TM9SF3: variants seen among roughly 807,000 people sequenced by gnomAD.
TM9SF3 encodes the protein transmembrane 9 superfamily member 3, also known as SM-11044-binding protein.
TM9SF3 carries 14 observed loss-of-function variants against 78.6 expected under a neutral mutation model. That is an observed-to-expected ratio of 0.18 (90% confidence interval 0.12 to 0.28). The LOEUF (loss-of-function observed/expected upper bound fraction) is 0.28. Ranked by LOEUF, TM9SF3 falls within the 10% of genes least tolerant of loss-of-function variation. The pLI, the probability that TM9SF3 is intolerant of heterozygous loss-of-function variation, is 1.00. For missense variants in TM9SF3, 496 were observed against 721.9 expected, an observed-to-expected ratio of 0.69 and a Z score of 3.59; for synonymous variants, 231 against 241.7, an observed-to-expected ratio of 0.96 and a Z score of 0.41.
intron 1 of TM9SF3, among the ~76,000 whole-genome samples, chr10:96,580,929 A>G (rs1848561325): frequency 6.6e-6 from 1 of 152,238 alleles, no homozygotes; most frequent in Non-Finnish European, 1.5e-5. Context: ...AATCAGCATC[A>G]AGTTTAAAAG....
chr10:96,522,426 C>A lies in TM9SF3; in HGVS notation c.1703-96G>T, dbSNP rs185815908. ...ATACTCTATGCTCTGGAAAGTTATT[C>A]TTTTTTAAAGAAAATATCCTTATGT... is the stretch of plus-strand genomic sequence containing the variant. On this transcript the variant is annotated intron_variant, in intron 14 of 14. Transcript: ENST00000371142. 5.1e-6 allele frequency: 5 copies of A among 989,984 alleles called. No individual in the cohort carries two copies. In the South Asian group the frequency reaches 5.5e-5, roughly 11 times the overall value. The allele number at this position is 989,984 out of a possible 1,614,324, so 61.3% of individuals were successfully genotyped here. A position where few individuals can be genotyped will look rare whatever the true frequency, so the allele number is the denominator to read the frequency against.
chr10:96,559,772 G>T, intron 4 of TM9SF3, 36 bp from the exon 5 acceptor site: 1 of 1,285,704 alleles, frequency 7.8e-7, no homozygotes. Context: ...ATAAAGGCCA[G>T]TAAACAAATT....
chr10:96,572,499 C>T (rs1484992343), intron 2 of TM9SF3, among the ~76,000 whole-genome samples: 4 of 151,270 alleles, frequency 2.6e-5, no homozygotes, highest in Admixed American at 6.6e-5. Flanking sequence ...TAATCTAAGT[C>T]AGCCCTTCTA....
At chr10:96,566,856 C>G (rs1368817191) in intron 2 of TM9SF3, among the ~76,000 whole-genome samples, 1 of 152,166 alleles carries the variant, frequency 6.6e-6, no homozygotes, top group East Asian at 1.9e-4. Context: ...CAAAAGGTAG[C>G]AGGCAACTGC....
chr10:96,572,439 T>G (rs943419053), intron 2 of TM9SF3, among the ~76,000 whole-genome samples: 1 of 151,832 alleles, frequency 6.6e-6, no homozygotes, highest in Non-Finnish European at 1.5e-5. Flanking sequence ...TTCGAAGAGG[T>G]ACCCTCTAAA....
intron 2 of TM9SF3, among the ~76,000 whole-genome samples, chr10:96,568,045 T>C (rs1848398861): frequency 1.3e-5 from 2 of 152,168 alleles, no homozygotes; most frequent in South Asian, 4.1e-4. Flanking sequence ...AAACGAAGCA[T>C]GTTAAAAGGG....
intron 1 of TM9SF3, among the ~76,000 whole-genome samples, chr10:96,583,012 G>C (rs146431251): frequency 0.014 from 2,051 of 150,968 alleles, 33 homozygotes; most frequent in African/African-American, 0.044. Context: ...CCCGGGAGGC[G>C]GAAGTTGCAG....
intron 9 of TM9SF3, among the ~76,000 whole-genome samples, chr10:96,534,761 T>C (rs1444878637): frequency 1.3e-5 from 2 of 152,190 alleles, no homozygotes; most frequent in African/African-American, 2.4e-5. Flanking sequence ...TAAAACACTT[T>C]CAACTGTAAT....
At chr10:96,529,230 C>T (rs1847870579) in intron 11 of TM9SF3, among the ~76,000 whole-genome samples, 1 of 152,082 alleles carries the variant, frequency 6.6e-6, no homozygotes, top group African/African-American at 2.4e-5. Context: ...GGTACTAATG[C>T]CCATAGCATA....
intron 7 of TM9SF3, among the ~76,000 whole-genome samples, chr10:96,549,599 A>G (rs1306370353): frequency 6.6e-6 from 1 of 152,164 alleles, no homozygotes; most frequent in Non-Finnish European, 1.5e-5. Flanking sequence ...AATCTCAATA[A>G]GTTGGCCACT....
chr10:96,562,289 GC>G (rs1368971740), intron 3 of TM9SF3, 151 bp from the exon 4 acceptor site: 4 of 631,560 alleles, frequency 6.3e-6, no homozygotes, highest in African/African-American at 6.1e-5. Context: ...TTCACCTTCT[GC>G]CATGATTGTA....
At position 96,586,935 on chromosome 10, in the gene TM9SF3, G is replaced by T. The variant is rs1848641847; in HGVS notation, c.-100C>A. The stretch of plus-strand genomic sequence containing the variant: ...TCCGCCGCGGCCGATTCGCATCCAC[G>T]GGGCGCGGACAGACGCACGGGGCCC... On this transcript the variant is annotated 5_prime_UTR_variant, in exon 1 of 15. Coordinates refer to ENST00000371142, the MANE Select transcript of TM9SF3 (RefSeq NM_020123.4). 11 of 994,606 alleles carry T rather than the reference G, an allele frequency of 1.1e-5. No individual in the cohort carries two copies. Among genetic ancestry groups the T allele is most frequent in the Non-Finnish European group, 1.4e-5 (11 of 799,594 alleles). The allele number at this position is 994,606 out of a possible 1,614,324, so 61.6% of individuals were successfully genotyped here.
In TM9SF3 at chr10:96,525,842, A is replaced by C. The variant is rs11188815; in HGVS notation, c.1702+1371T>G. On this transcript the variant is annotated intron_variant, in intron 14 of 14. Transcript: ENST00000371142. ...ATTTATCAAGTAAAACACTGAGCCC[A>C]AAAAAAAGTGAGTTACTTGTATGAG... 4.2e-3 allele frequency among the ~76,000 whole-genome samples: 632 copies of C among 151,660 alleles called. 5 individuals carry two copies. Among genetic ancestry groups the C allele is most frequent in the Middle Eastern group, 0.014 (4 of 292 alleles).
chr10:96,558,116 T>C (rs747971539), intron 5 of TM9SF3, among the ~76,000 whole-genome samples: 6 of 152,178 alleles, frequency 3.9e-5, no homozygotes, highest in Non-Finnish European at 5.9e-5. Context: ...AAGTTGTCAA[T>C]GTCCAGTGGG....
chr10:96,580,297 G>C (rs1264861225), intron 1 of TM9SF3, among the ~76,000 whole-genome samples: 2 of 151,766 alleles, frequency 1.3e-5, no homozygotes, highest in Non-Finnish European at 2.9e-5. Context: ...ACGGAGTCTT[G>C]CTCTGTCGCC....
chr10:96,528,242 T>C, intron 11 of TM9SF3, 65 bp from the exon 12 acceptor site: 2 of 1,451,820 alleles, frequency 1.4e-6, no homozygotes, highest in Non-Finnish European at 9.2e-7. Flanking sequence ...CTGCTCTTCG[T>C]GAGTCTCACA....
At chr10:96,569,302 T>C (rs549003100) in intron 2 of TM9SF3, among the ~76,000 whole-genome samples, 1 of 152,286 alleles carries the variant, frequency 6.6e-6, no homozygotes, top group East Asian at 1.9e-4. Context: ...AAATGCACAT[T>C]CACATAAAAT....
intron 7 of TM9SF3, among the ~76,000 whole-genome samples, chr10:96,550,399 T>C (rs966319659): frequency 6.6e-5 from 10 of 152,330 alleles, no homozygotes; most frequent in African/African-American, 2.2e-4. Flanking sequence ...CAAGGATGTA[T>C]TGCTTGCCCA....
Position 96,569,115 on chromosome 10 carries a change from A to G in TM9SF3, c.299-3689T>C, listed in dbSNP as rs968191455. On this transcript the variant is annotated intron_variant, in intron 2 of 14. Coordinates refer to ENST00000371142, the MANE Select transcript of TM9SF3 (RefSeq NM_020123.4). The stretch of plus-strand genomic sequence containing the variant: ...AGGCCGGGGAGGTCGAGGCTGCAGT[A>G]AGCTGTGATGGGACCACTGCACTCC... 2.6e-5 allele frequency among the ~76,000 whole-genome samples: 4 copies of G among 152,156 alleles called. No individual in the cohort carries two copies. In the South Asian group the frequency reaches 8.3e-4, roughly 32 times the overall value.
Sources: allele counts gnomAD v4.1 joint callset (sites outside exome capture counted in the v4.1 genomes callset), GRCh38; gene constraint gnomAD v4.1.1; transcripts MANE v1.5; gene names NCBI Gene and HGNC (gene_info 2026-07-23, HGNC 2026-07-21).